Variants in TBCE observed in about 807,000 individuals in gnomAD.
TBCE encodes tubulin folding cofactor E.
Under a neutral mutation model 77.0 loss-of-function variants are expected in TBCE, and 53 were observed. The observed-to-expected ratio is 0.69, with a 90% CI of 0.55 to 0.87. The LOEUF is 0.87. Among genes scored for constraint, TBCE ranks in the 40% least tolerant of loss-of-function variants. The pLI is 0.00. For synonymous variants in TBCE, 235 were observed against 241.3 expected (o/e 0.97, Z 0.24); for missense variants, 624 against 622.4 (o/e 1.00, Z -0.03).
rs1680755507 is a variant in TBCE at position 235,426,994 on chromosome 1, ATAT to A, written c.461-142_461-140del. The A allele has an allele frequency of 4.6e-6, 3 of 656,172 alleles. No individual in the cohort carries two copies. The East Asian group carries it at 8.3e-5, about 18-fold the overall frequency. The allele number at this position is 656,172 out of a possible 1,614,324, so 40.6% of individuals were successfully genotyped here. A position where few individuals can be genotyped will look rare whatever the true frequency, so the allele number is the denominator to read the frequency against. On this transcript the variant is annotated intron_variant, in intron 5 of 16. Coordinates refer to ENST00000642610, the MANE Select transcript of TBCE (RefSeq NM_003193.5). ...CAGTGAAGTTTTGGATAACTTAAAA[ATAT>A]TATGTACTCCTGAAAAAATTTGAAG...
In TBCE at chr1:235,380,158, T is replaced by G. The variant is rs1558346742; in HGVS notation, c.100+9T>G. ...TGTCCCTCCCGTGGCAGGTAAGCAA[T>G]TATTGTGTGTGTGTGTGTGTGTGTG... is the stretch of plus-strand genomic sequence containing the variant. On this transcript the variant is annotated intron_variant, in intron 2 of 16. Coordinates refer to ENST00000642610, the MANE Select transcript of TBCE (RefSeq NM_003193.5). The G allele has an allele frequency of 1.9e-6, 3 of 1,555,262 alleles. No individual in the cohort carries two copies.
chr1:235,413,752 CT>C (rs34313482), intron 3 of TBCE: 24,983 of 145,084 alleles, frequency 0.17, 2,914 homozygotes, highest in African/African-American at 0.34. Context: ...ACTGTTTCTT[CT>C]TTTTTTTTAA....
intron 2 of TBCE, among the ~76,000 whole-genome samples, chr1:235,387,581 G>A (rs946772364): frequency 3.3e-5 from 5 of 152,290 alleles, no homozygotes; most frequent in Middle Eastern, 3.4e-3. Context: ...GTGAGACTCC[G>A]TAGGTGTAGG....
At chr1:235,410,076 G>GT (rs1679696114) in intron 3 of TBCE, among the ~76,000 whole-genome samples, 1 of 148,266 alleles carries the variant, frequency 6.7e-6, no homozygotes. Context: ...TTAGCCGGGC[G>GT]TGGTGTTGCA....
At chr1:235,374,943 T>TG (rs1232304691) in intron 1 of TBCE, among the ~76,000 whole-genome samples, 1 of 120,862 alleles carries the variant, frequency 8.3e-6, no homozygotes, top group African/African-American at 3.6e-5. Flanking sequence ...TTTTTTGAGA[T>TG]GGAGTCTCAC....
intron 7 of TBCE, 57 bp from the exon 8 acceptor site, chr1:235,434,147 C>T: frequency 1.3e-6 from 2 of 1,503,840 alleles, no homozygotes. Context: ...CCTATGAACA[C>T]CCGGGAAGAA....
chr1:235,397,016 C>A (rs1478121751), intron 2 of TBCE, among the ~76,000 whole-genome samples: 2 of 151,834 alleles, frequency 1.3e-5, no homozygotes, highest in African/African-American at 4.8e-5. Flanking sequence ...CGCTCTGTCT[C>A]CAAGCTGGAG....
intron 15 of TBCE, among the ~76,000 whole-genome samples, chr1:235,444,631 C>CT (rs1241728510): frequency 6.6e-6 from 1 of 152,210 alleles, no homozygotes; most frequent in African/African-American, 2.4e-5. Context: ...CCTCAAACTC[C>CT]TGAGCTCAAG....
At chr1:235,435,613 C>T (rs934204839) in intron 8 of TBCE, 132 bp from the exon 9 acceptor site, 4 of 797,644 alleles carry the variant, frequency 5.0e-6, no homozygotes, top group Non-Finnish European at 8.5e-6. Flanking sequence ...CTCAGGTTGC[C>T]CCTTTACAGT....
In TBCE at chr1:235,392,411, T is replaced by C. The variant is rs1167114043; in HGVS notation, c.101-9092T>C. 5.4e-5 allele frequency among the ~76,000 whole-genome samples: 8 copies of C among 147,382 alleles called. 2 individuals carry two copies. Among genetic ancestry groups the C allele is most frequent in the African/African-American group, 7.4e-5 (3 of 40,418 alleles). ...AATTGCTGAACAGAATTTTTTTTTT[T>C]TTTTTTTTTTTTTTTTTAGACAGAG... On this transcript the variant is annotated intron_variant, in intron 2 of 16. Coordinates refer to ENST00000642610, the MANE Select transcript of TBCE (RefSeq NM_003193.5).
At chr1:235,371,424 G>T (rs1426837619) in intron 1 of TBCE, among the ~76,000 whole-genome samples, 1 of 134,404 alleles carries the variant, frequency 7.4e-6, no homozygotes, top group African/African-American at 2.9e-5. Flanking sequence ...CACCCAGGCT[G>T]TAGTGCACTG....
chr1:235,381,031 C>T (rs572564350), intron 2 of TBCE, among the ~76,000 whole-genome samples: 28 of 152,134 alleles, frequency 1.8e-4, no homozygotes, highest in East Asian at 5.8e-4. Flanking sequence ...CTGCCTGCCT[C>T]GGCCTCCCAA....
chr1:235,385,246 C>G (rs891681425), intron 2 of TBCE, among the ~76,000 whole-genome samples: 1 of 151,942 alleles, frequency 6.6e-6, no homozygotes, highest in Non-Finnish European at 1.5e-5. Flanking sequence ...ACTATGTGGT[C>G]AATTTTGGAA....
chr1:235,432,128 C>T (rs59033850), intron 7 of TBCE, among the ~76,000 whole-genome samples: 3,406 of 152,162 alleles, frequency 0.022, 136 homozygotes, highest in African/African-American at 0.077. Context: ...GGATTACAGG[C>T]GCTTGCCACC....
At chr1:235,412,475 C>T (rs998505673) in intron 3 of TBCE, among the ~76,000 whole-genome samples, 12 of 150,964 alleles carry the variant, frequency 7.9e-5, no homozygotes, top group African/African-American at 2.9e-4. Context: ...GGTGATCTGC[C>T]CACCTCAGCC....
intron 16 of TBCE, 75 bp from the exon 17 acceptor site, chr1:235,448,595 G>A: frequency 2.1e-6 from 3 of 1,407,432 alleles, no homozygotes; most frequent in Non-Finnish European, 3.0e-6. Context: ...GGACGGGGTG[G>A]GGGAAGAGTA....
intron 15 of TBCE, among the ~76,000 whole-genome samples, chr1:235,445,462 C>G (rs1459189225): frequency 6.6e-6 from 1 of 152,086 alleles, no homozygotes; most frequent in African/African-American, 2.4e-5. Context: ...AACCCCGTCT[C>G]TACAAAAATA....
chr1:235,448,606 T>C, intron 16 of TBCE, 64 bp from the exon 17 acceptor site: 2 of 1,443,380 alleles, frequency 1.4e-6, no homozygotes, highest in Non-Finnish European at 2.0e-6. Flanking sequence ...GGGAAGAGTA[T>C]GTGTAGCATG....
chr1:235,448,356 GAC>G lies in TBCE; in HGVS notation c.1409_1410del (p.Thr470AsnfsTer24). The G allele has an allele frequency of 4.3e-6, 7 of 1,613,812 alleles. No homozygotes were observed. Among genetic ancestry groups the G allele is most frequent in the African/African-American group, 1.3e-5 (1 of 75,024 alleles). On this transcript the variant is annotated frameshift_variant, in exon 16 of 17. Transcript: ENST00000642610. LOFTEE classifies it high-confidence loss of function. ...TTTCTTGTCTTTTGATAGGCTCCAT[GAC>G]AATTCAAAAGGTGAAGGGATTGCTG... is the stretch of plus-strand genomic sequence containing the variant. Reference protein sequence around the residue: ...VLEKQLPGSMTIQKVKGLLSR... With the variant: ...VLEKQLPGSMXIQKVKGLLSR...
Sources: allele counts gnomAD v4.1 joint callset (sites outside exome capture counted in the v4.1 genomes callset), GRCh38; gene constraint gnomAD v4.1.1; transcripts MANE v1.5; gene names NCBI Gene and HGNC (gene_info 2026-07-23, HGNC 2026-07-21).